The following ANKRD24 variants were observed in gnomAD, a reference collection of about 807,000 sequenced individuals.
ANKRD24 encodes the protein ankyrin repeat domain-containing protein 24.
In ANKRD24, 109 loss-of-function variants were observed where a neutral mutation model predicts 127.8. That is an observed-to-expected ratio of 0.85 (90% CI 0.73 to 1.00). The LOEUF is 1.00. Among genes scored for constraint, ANKRD24 ranks in the 50% least tolerant of loss-of-function variants. The pLI is 0.00. For missense variants in ANKRD24, 1,648 were observed against 1,570.2 expected, an observed-to-expected ratio of 1.05 and a Z score of -0.84; for synonymous variants, 743 against 671.1, an observed-to-expected ratio of 1.11 and a Z score of -1.66.
At chr19:4,220,766 G>A (rs1970399391) in intron 19 of ANKRD24, among the ~76,000 whole-genome samples, 1 of 151,872 alleles carries the variant, frequency 6.6e-6, no homozygotes, top group Non-Finnish European at 1.5e-5. Flanking sequence ...CATGTTAGCT[G>A]GGATGGTCTC....
rs772169037 is a variant in ANKRD24, at chr19:4,217,164, G to A, written c.2004G>A (p.Gly668=). ...GAGQAEPPVT[G]TTNMEATGSR... is the part of the protein sequence containing the mutation. The stretch of plus-strand genomic sequence containing the variant: ...GGCAAGCAGAGCCCCCAGTCACAGG[G>A]ACCACAAACATGGAGGCCACGGGCT... Residue 668 remains glycine, a synonymous_variant, in exon 18 of 22, where the codon GGG becomes GGA. Coordinates refer to ENST00000318934, the MANE Select transcript of ANKRD24 (RefSeq NM_001393985.1). 8.7e-6 allele frequency: 14 copies of A among 1,613,032 alleles called. No individual in the cohort carries two copies. The South Asian group carries it at 1.3e-4, about 15-fold the overall frequency.
Position 4,215,962 on chromosome 19 carries a change from T to C in ANKRD24, c.1198-16T>C, listed in dbSNP as rs1405537875. 1.8e-5 allele frequency: 29 copies of C among 1,572,474 alleles called. No homozygotes were observed. Among genetic ancestry groups the C allele is most frequent in the Non-Finnish European group, 2.4e-5 (28 of 1,159,994 alleles). ...GAGAGCAGAACCCCGAGCTGGACTC[T>C]GCTCCCTCCCCCCAGAACGAGCGGG... is the stretch of plus-strand genomic sequence containing the variant. On this transcript the variant is annotated splice_polypyrimidine_tract_variant and intron_variant, in intron 15 of 21. Transcript: ENST00000318934.
chr19:4,207,710 C>T, intron 9 of ANKRD24, 71 bp from the exon 10 acceptor site: 1 of 1,586,834 alleles, frequency 6.3e-7, no homozygotes, highest in South Asian at 1.1e-5. Flanking sequence ...CCCAGCCTGG[C>T]CTGGGTGCTG....
chr19:4,220,216 G>A (rs1483929491), intron 19 of ANKRD24, among the ~76,000 whole-genome samples: 2 of 152,080 alleles, frequency 1.3e-5, no homozygotes, highest in Non-Finnish European at 2.9e-5. Flanking sequence ...CAAGTGATCC[G>A]CCTGCCTCAG....
chr19:4,215,897 C>G, intron 15 of ANKRD24, 81 bp from the exon 16 acceptor site: 1 of 1,147,042 alleles, frequency 8.7e-7, no homozygotes, highest in Non-Finnish European at 1.3e-6. Context: ...TGTGAACAGC[C>G]CAGTCCCCAC....
intron 15 of ANKRD24, among the ~76,000 whole-genome samples, chr19:4,213,803 TTTTGTA>T (rs1174002755): frequency 1.3e-5 from 2 of 151,958 alleles, no homozygotes; most frequent in African/African-American, 4.8e-5. Context: ...CCCGGCTAAT[TTTTGTA>T]TTTGTAGTAG....
At chr19:4,196,140 C>G (rs1242564979) in intron 2 of ANKRD24, among the ~76,000 whole-genome samples, 1 of 152,174 alleles carries the variant, frequency 6.6e-6, no homozygotes, top group Non-Finnish European at 1.5e-5. Context: ...GCCTCAAATG[C>G]CCACAGTGCT....
rs765283673 is a variant in ANKRD24, at chr19:4,217,006, G to C, written c.1846G>C (p.Ala616Pro). Residue 616 changes from alanine to proline, a missense_variant, in exon 18 of 22, where the codon GCA becomes CCA. Physicochemically the swap from Ala to Pro is conservative, Grantham distance 27. Transcript: ENST00000318934. ...VREMETTEEE[A>P]NMETKPTGAQ... Reference sequence around the variant, plus strand: ...AGAAATGGAGACCACAGAAGAAGAAGCAAACATGGAAACTAAGCCCACAGG... The same window carrying C: ...AGAAATGGAGACCACAGAAGAAGAACCAAACATGGAAACTAAGCCCACAGG... The C allele has an allele frequency of 2.5e-6, 4 of 1,613,722 alleles. No homozygotes were observed. Among genetic ancestry groups the C allele is most frequent in the Non-Finnish European group, 2.5e-6 (3 of 1,179,834 alleles).
Position 4,217,710 on chromosome 19 carries a change from G to A in ANKRD24, c.2550G>A (p.Leu850=), listed in dbSNP as rs1404537539. 2.3e-6 allele frequency: 3 copies of A among 1,293,224 alleles called. No individual in the cohort carries two copies. The African/African-American group carries it at 4.7e-5, about 20-fold the overall frequency. 80.1% of individuals were successfully genotyped at this position (1,293,224 alleles called of 1,614,324 possible). ...EEARLEQSRE[L]EVLREQLATA... is the part of the protein sequence containing the mutation. Reference sequence around the variant, plus strand: ...CGCGGCTGGAGCAGAGCCGGGAGCTGGAGGTTCTGCGGGAGCAGCTGGCCA... The same window carrying A: ...CGCGGCTGGAGCAGAGCCGGGAGCTAGAGGTTCTGCGGGAGCAGCTGGCCA... Residue 850 remains leucine, a synonymous_variant, in exon 18 of 22, where the codon CTG becomes CTA. Transcript: ENST00000318934.
chr19:4,218,721 C>T (rs1305854999), intron 18 of ANKRD24, among the ~76,000 whole-genome samples: 8 of 148,738 alleles, frequency 5.4e-5, no homozygotes, highest in Admixed American at 4.7e-4. Flanking sequence ...TCTTCATCCC[C>T]CTTCCCTCCC....
intron 20 of ANKRD24, among the ~76,000 whole-genome samples, chr19:4,223,689 T>C (rs888908385): frequency 6.6e-6 from 1 of 152,160 alleles, no homozygotes; most frequent in Non-Finnish European, 1.5e-5. Context: ...CTTAGCCTCC[T>C]GAGTAGCTGG....
At position 4,198,624 on chromosome 19, in the gene ANKRD24, C is replaced by G. The variant is rs1347711939; in HGVS notation, c.37-1059C>G. 4 of 411,408 alleles carry G rather than the reference C, an allele frequency of 9.7e-6. No individual in the cohort carries two copies. The highest frequency in any genetic ancestry group is 8.9e-5 in the Admixed American group (2 of 22,570). The allele number at this position is 411,408 out of a possible 1,614,324, so 25.5% of individuals were successfully genotyped here. ...GTCCCCGGCTGACCTGGACCACCCC[C>G]CCATTCCAGACCCGGGAAAGATGGT... On this transcript the variant is annotated intron_variant, in intron 2 of 21. Transcript: ENST00000318934. The surrounding 1 kb of genome is among the most constrained non-coding windows in gnomAD (Gnocchi z 6.1).
intron 20 of ANKRD24, 103 bp downstream of exon 20, chr19:4,222,898 G>C: frequency 2.2e-6 from 3 of 1,339,922 alleles, no homozygotes; most frequent in Non-Finnish European, 2.9e-6. Flanking sequence ...AGAGGGGCTG[G>C]GGTAGGCAGG....
chr19:4,216,782 C>T lies in ANKRD24; in HGVS notation c.1622C>T (p.Pro541Leu). The T allele has an allele frequency of 6.3e-7, 1 of 1,598,344 alleles. No homozygotes were observed. The highest frequency in any genetic ancestry group is 8.5e-7 in the Non-Finnish European group (1 of 1,172,976). Residue 541 changes from proline (P) to leucine (L), a missense_variant, in exon 18 of 22, where the codon CCA (proline) becomes CTA (leucine). By Grantham distance (98) the Pro-to-Leu change is moderately conservative. Coordinates refer to ENST00000318934, the MANE Select transcript of ANKRD24 (RefSeq NM_001393985.1). ...GGAGCCACGGCCACCAAAAACGGGC[C>T]AACCCACATGGAGCTAAATGGCTCA... is the stretch of plus-strand genomic sequence containing the variant. ...VAGATATKNGPTHMELNGSVA... is the reference protein window; with the variant it reads ...VAGATATKNGLTHMELNGSVA...
Position 4,217,049 on chromosome 19 carries a change from C to A in ANKRD24, c.1889C>A (p.Thr630Lys), listed in dbSNP as rs371427835. ...TKPTGAQATD[T>K]ETTGVEAMGV... ...CCCACAGGAGCTCAGGCCACAGACA[C>A]AGAGACCACGGGAGTGGAGGCCATG... The change falls in exon 18 of 22, where the codon ACA becomes AAA. Residue 630 changes from threonine to lysine, a missense_variant. Transcript: ENST00000318934. 7.3e-5 allele frequency: 118 copies of A among 1,613,922 alleles called. No individual in the cohort carries two copies. The African/African-American group carries it at 1.2e-3, about 17-fold the overall frequency.
chr19:4,188,378 ATTTTTTTTTTTT>A (rs34131628), intron 2 of ANKRD24, among the ~76,000 whole-genome samples: 1 of 83,596 alleles, frequency 1.2e-5, no homozygotes, highest in Non-Finnish European at 2.3e-5. Context: ...CGCTTGGTCC[ATTTTTTTTTTTT>A]TTTTTTTTTT....
At chr19:4,186,487 A>C in intron 2 of ANKRD24, 26 bp downstream of exon 2, 6 of 1,584,068 alleles carry the variant, frequency 3.8e-6, no homozygotes, top group Non-Finnish European at 5.1e-6. Context: ...TAGATGCCCG[A>C]TACACCCCTG....
intron 2 of ANKRD24, among the ~76,000 whole-genome samples, chr19:4,194,517 T>TC (rs1290068059): frequency 6.6e-6 from 1 of 151,902 alleles, no homozygotes. Context: ...TGCTTTTCTC[T>TC]CCCCCCTCCA....
intron 18 of ANKRD24, among the ~76,000 whole-genome samples, chr19:4,218,418 G>A (rs1016533534): frequency 6.6e-6 from 1 of 151,902 alleles, no homozygotes; most frequent in Non-Finnish European, 1.5e-5. Context: ...TCCTGCCTCA[G>A]CCTCCGGAGT....
Sources: allele counts gnomAD v4.1 joint callset (sites outside exome capture counted in the v4.1 genomes callset), GRCh38; gene constraint gnomAD v4.1.1; non-coding constraint Gnocchi (gnomAD v3.1); transcripts MANE v1.5; gene names NCBI Gene and HGNC (gene_info 2026-07-23, HGNC 2026-07-21).